Variants in SPDYE10 observed in about 807,000 individuals in gnomAD.
SPDYE10 encodes speedy protein E10.
At chr7:73,113,771 C>T in the SPDYE10 span, among the ~76,000 whole-genome samples, 1 of 152,022 alleles carries the variant, frequency 6.6e-6, no homozygotes. Context: ...TGCCATGGCT[C>T]ATGCCTGTAA....
the SPDYE10 span, among the ~76,000 whole-genome samples, chr7:73,116,984 C>T: frequency 6.6e-6 from 1 of 152,104 alleles, no homozygotes; most frequent in Non-Finnish European, 1.5e-5. Context: ...TAACCTCCAC[C>T]TCCCAGGTTC....
chr7:73,135,368 G>C, the SPDYE10 span, among the ~76,000 whole-genome samples: 2 of 151,518 alleles, frequency 1.3e-5, no homozygotes, highest in South Asian at 4.2e-4. Flanking sequence ...AAGGGAGCCT[G>C]CCCTTAAGCA....
chr7:73,147,700 G>T, the SPDYE10 span, among the ~76,000 whole-genome samples: 37 of 151,562 alleles, frequency 2.4e-4, no homozygotes, highest in Non-Finnish European at 5.0e-4. Flanking sequence ...TCACCACGTG[G>T]ACCAGGCTGG....
chr7:73,135,665 C>T, the SPDYE10 span, among the ~76,000 whole-genome samples: 2 of 102,414 alleles, frequency 2.0e-5, no homozygotes, highest in East Asian at 3.1e-4. Flanking sequence ...GCTAGGATTA[C>T]AGGCATGCAT....
the SPDYE10 span, among the ~76,000 whole-genome samples, chr7:73,142,761 C>A: frequency 1.3e-5 from 2 of 152,060 alleles, no homozygotes; most frequent in Non-Finnish European, 2.9e-5. Flanking sequence ...ACATGGTGAA[C>A]CCCCATCTCC....
chr7:73,123,788 C>CCTCTCTCTCTCTCTCTCTCTCT, the SPDYE10 span, among the ~76,000 whole-genome samples: 207 of 97,396 alleles, frequency 2.1e-3, 6 homozygotes, highest in East Asian at 5.8e-3. Flanking sequence ...TCTCTCTCTC[C>CCTCTCTCTCTCTCTCTCTCTCT]CTCTCTCTCT....
chr7:73,147,885 C>T, the SPDYE10 span, among the ~76,000 whole-genome samples: 123 of 151,146 alleles, frequency 8.1e-4, no homozygotes, highest in Non-Finnish European at 1.6e-3. Context: ...TGGCTCACTG[C>T]CACCTCCGCT....
the SPDYE10 span, among the ~76,000 whole-genome samples, chr7:73,114,305 G>GCA: frequency 3.5e-3 from 449 of 126,664 alleles, 1 homozygote; most frequent in Non-Finnish European, 5.7e-3. Flanking sequence ...GAACGTTCCT[G>GCA]CACACACACC....
chr7:73,116,837 T>A, the SPDYE10 span, among the ~76,000 whole-genome samples: 3 of 148,242 alleles, frequency 2.0e-5, no homozygotes, highest in African/African-American at 7.5e-5. Flanking sequence ...CGCTTCAGCC[T>A]CCCAAAGTGC....
the SPDYE10 span, among the ~76,000 whole-genome samples, chr7:73,145,024 G>T: frequency 9.5e-6 from 1 of 105,136 alleles, no homozygotes. Flanking sequence ...AAAAAAAAAA[G>T]AAGAATTAAT....
the SPDYE10 span, among the ~76,000 whole-genome samples, chr7:73,115,285 G>C: frequency 6.6e-6 from 1 of 152,154 alleles, no homozygotes; most frequent in Non-Finnish European, 1.5e-5. Flanking sequence ...ATTTGAAAAG[G>C]AGGAAACATT....
the SPDYE10 span, among the ~76,000 whole-genome samples, chr7:73,111,664 AT>A: frequency 2.2e-5 from 1 of 45,998 alleles, no homozygotes; most frequent in Non-Finnish European, 4.2e-5. Flanking sequence ...AAGTGCTGGG[AT>A]TACAAGTGTG....
chr7:73,123,618 C>G, the SPDYE10 span, among the ~76,000 whole-genome samples: 1 of 150,150 alleles, frequency 6.7e-6, no homozygotes, highest in African/African-American at 2.4e-5. Context: ...GCCACCACAC[C>G]TGGCTAATTT....
chr7:73,127,027 TC>T, the SPDYE10 span, among the ~76,000 whole-genome samples: 2 of 104,012 alleles, frequency 1.9e-5, no homozygotes, highest in Non-Finnish European at 3.7e-5. Context: ...CAAGTAGTTC[TC>T]CTGCCTCAGC....
At chr7:73,123,975 G>A in the SPDYE10 span, among the ~76,000 whole-genome samples, 1 of 150,964 alleles carries the variant, frequency 6.6e-6, no homozygotes, top group Non-Finnish European at 1.5e-5. Context: ...ATAGGGTTTC[G>A]CCGTGTTGCC....
chr7:73,131,937 C>T, the SPDYE10 span, among the ~76,000 whole-genome samples: 2 of 140,640 alleles, frequency 1.4e-5, no homozygotes, highest in African/African-American at 5.5e-5. Context: ...GGCTCCAGGC[C>T]TTCGTGAGAC....
the SPDYE10 span, among the ~76,000 whole-genome samples, chr7:73,116,710 A>G: frequency 3.3e-5 from 5 of 150,024 alleles, no homozygotes; most frequent in African/African-American, 1.3e-4. Context: ...CAGCCTTCCA[A>G]GTAGCTGGGA....
the SPDYE10 span, among the ~76,000 whole-genome samples, chr7:73,147,796 GTTT>G: frequency 2.1e-5 from 3 of 144,956 alleles, no homozygotes; most frequent in African/African-American, 5.7e-5. Context: ...TACCTGGCCT[GTTT>G]TTTGTTTGTT....
the SPDYE10 span, among the ~76,000 whole-genome samples, chr7:73,141,323 C>A: frequency 3.3e-3 from 495 of 150,336 alleles, 1 homozygote; most frequent in African/African-American, 0.012. Flanking sequence ...AGATCACCTG[C>A]GGTCAGGAGT....
Sources: allele counts gnomAD v4.1 joint callset (sites outside exome capture counted in the v4.1 genomes callset), GRCh38; gene constraint gnomAD v4.1.1; transcripts MANE v1.5; gene names NCBI Gene and HGNC (gene_info 2026-07-23, HGNC 2026-07-21).